Variants in PPFIBP2 observed in about 807,000 individuals in gnomAD.
PPFIBP2 encodes PPFIB scaffold protein 2.
In PPFIBP2, 118 loss-of-function variants were observed where a neutral mutation model predicts 118.3. The observed-to-expected ratio is 1.00, with a 90% confidence interval of 0.86 to 1.16. PPFIBP2 has a LOEUF of 1.16. Ranked by LOEUF, PPFIBP2 falls within the 50% of genes most tolerant of loss-of-function variation. The probability of loss-of-function intolerance (pLI) is 0.00; values close to 1 mark genes in which losing one functional copy is unlikely to be tolerated. For missense variants in PPFIBP2, 1,195 were observed against 1,073.1 expected (o/e 1.11, Z -1.59); for synonymous variants, 414 against 397.4 (o/e 1.04, Z -0.50).
chr11:7,550,925 C>A (rs995026095), intron 2 of PPFIBP2, among the ~76,000 whole-genome samples: 1 of 152,180 alleles, frequency 6.6e-6, no homozygotes, highest in African/African-American at 2.4e-5. Context: ...TCAAGTTCTT[C>A]AGCTTTAGGA....
Position 7,648,877 on chromosome 11 carries a change from G to T in PPFIBP2, c.1875G>T (p.Glu625Asp), listed in dbSNP as rs1385241687. The T allele has an allele frequency of 3.1e-6, 5 of 1,614,124 alleles. No homozygotes were observed. In the East Asian group the frequency reaches 1.1e-4, roughly 36 times the overall value. The change falls in exon 19 of 24, where the codon GAG becomes GAT. Residue 625 changes from glutamate (E) to aspartate (D), a missense_variant. By Grantham distance (45) the Glu-to-Asp change is conservative. Transcript: ENST00000299492. Reference protein sequence around the residue: ...AVKAINTKQEEKSALLDHIWV... With the variant: ...AVKAINTKQEDKSALLDHIWV... ...AAGCCATCAACACCAAACAGGAGGA[G>T]AAGTCTGCACTGCTAGACCACATTT... is the stretch of plus-strand genomic sequence containing the variant.
At chr11:7,554,818 T>C (rs191809104) in intron 2 of PPFIBP2, among the ~76,000 whole-genome samples, 4,163 of 116,608 alleles carry the variant, frequency 0.036, 86 homozygotes, top group African/African-American at 0.08. Flanking sequence ...CTAGACTAGA[T>C]TGGGTCTATA....
intron 3 of PPFIBP2, among the ~76,000 whole-genome samples, chr11:7,580,520 T>C (rs573698609): frequency 6.6e-6 from 1 of 152,190 alleles, no homozygotes; most frequent in South Asian, 2.1e-4. Flanking sequence ...GAGATACTTA[T>C]GTTCAGAGAG....
chr11:7,649,057 C>T (rs1287051880), intron 19 of PPFIBP2, 90 bp from the exon 20 acceptor site: 79 of 1,415,938 alleles, frequency 5.6e-5, no homozygotes, highest in Non-Finnish European at 7.2e-5. Context: ...ATAAAACGAA[C>T]CTCAAAATAT....
rs1397345877 is a variant in PPFIBP2, at chr11:7,525,797, G to A, written c.-37+11676G>A. On this transcript the variant is annotated intron_variant, in intron 1 of 23. Coordinates refer to ENST00000299492, the MANE Select transcript of PPFIBP2 (RefSeq NM_003621.5). ...ATTGAAGTCCTGGGTTTAGACCTTGGTAGAGGATCTTTTCCCTGCATTGGC... is the reference window on the plus strand; with the variant it reads ...ATTGAAGTCCTGGGTTTAGACCTTGATAGAGGATCTTTTCCCTGCATTGGC... Among the ~76,000 whole-genome samples the A allele has an allele frequency of 4.6e-5, 7 of 152,348 alleles. No homozygotes were observed. The East Asian group carries it at 1.4e-3, about 29-fold the overall frequency.
intron 3 of PPFIBP2, chr11:7,576,987 T>C (rs1287992649): frequency 1.4e-5 from 2 of 146,072 alleles, no homozygotes; most frequent in African/African-American, 4.9e-5. Flanking sequence ...GCAGCACTTA[T>C]TTTTAGTCTT....
rs186619560 is a variant in PPFIBP2, at chr11:7,625,761, T to C, written c.712-16T>C. The stretch of plus-strand genomic sequence containing the variant: ...AGTCCTTCTGACCTGGTAGGGATCC[T>C]CTGTTGCTCTTCCAGGCTGAAGTCG... On this transcript the variant is annotated splice_polypyrimidine_tract_variant and intron_variant, in intron 7 of 23. Coordinates refer to ENST00000299492, the MANE Select transcript of PPFIBP2 (RefSeq NM_003621.5). 2.5e-6 allele frequency: 4 copies of C among 1,610,616 alleles called. No individual in the cohort carries two copies. In the Admixed American group the frequency reaches 5.0e-5, roughly 20 times the overall value.
intron 1 of PPFIBP2, among the ~76,000 whole-genome samples, chr11:7,517,471 G>A (rs1452698404): frequency 6.6e-6 from 1 of 152,094 alleles, no homozygotes; most frequent in African/African-American, 2.4e-5. Flanking sequence ...AGCCTCGGAG[G>A]GGTCTGGGTT....
At position 7,650,042 on chromosome 11, in the gene PPFIBP2, G is replaced by GA. The variant is rs557528387; in HGVS notation, c.2121+388_2121+389insA. 2.3e-4 allele frequency among the ~76,000 whole-genome samples: 35 copies of GA among 152,322 alleles called. No individual in the cohort carries two copies. The South Asian group carries it at 7.0e-3, about 31-fold the overall frequency. ...CGTAGAAGCTAGACATTTCAGAATA[G>GA]GTATCCCTACTTGTAGATCCAAAAT... On this transcript the variant is annotated intron_variant, in intron 21 of 23. Coordinates refer to ENST00000299492, the MANE Select transcript of PPFIBP2 (RefSeq NM_003621.5).
At chr11:7,634,146 A>C (rs1462493386) in intron 12 of PPFIBP2, among the ~76,000 whole-genome samples, 1 of 152,164 alleles carries the variant, frequency 6.6e-6, no homozygotes, top group African/African-American at 2.4e-5. Flanking sequence ...CAGCATCAGC[A>C]CCTTTCCCCT....
intron 2 of PPFIBP2, among the ~76,000 whole-genome samples, chr11:7,555,119 G>A (rs7481625): frequency 0.25 from 38,301 of 152,022 alleles, 5,186 homozygotes; most frequent in African/African-American, 0.36. Flanking sequence ...AATTTTGCAT[G>A]GAGCTTAATT....
intron 3 of PPFIBP2, among the ~76,000 whole-genome samples, chr11:7,569,649 A>C (rs752411552): frequency 3.3e-5 from 5 of 152,166 alleles, no homozygotes; most frequent in Non-Finnish European, 5.9e-5. Context: ...CTGCAGAGGA[A>C]GCATCAGGGA....
At position 7,603,897 on chromosome 11, in the gene PPFIBP2, TCAAA is replaced by T. The variant is rs935836354; in HGVS notation, c.486+6228_486+6231del. Among the ~76,000 whole-genome samples, 10 of 152,228 alleles carry T rather than the reference TCAAA, an allele frequency of 6.6e-5. No individual in the cohort carries two copies. The East Asian group carries it at 1.9e-3, about 29-fold the overall frequency. ...CCCTCCTTATTTGCACAGGGAACCT[TCAAA>T]CAATTGGGAGCAGAAGCAGAATGAT... is the stretch of plus-strand genomic sequence containing the variant. On this transcript the variant is annotated intron_variant, in intron 5 of 23. Transcript: ENST00000299492.
At chr11:7,652,530 G>C (rs1012986200) in intron 23 of PPFIBP2, among the ~76,000 whole-genome samples, 1 of 152,222 alleles carries the variant, frequency 6.6e-6, no homozygotes, top group Non-Finnish European at 1.5e-5. Context: ...CCCCAGGGGA[G>C]CAAGACAGGA....
intron 4 of PPFIBP2, among the ~76,000 whole-genome samples, chr11:7,596,425 A>C (rs376332641): frequency 6.6e-6 from 1 of 151,824 alleles, no homozygotes; most frequent in South Asian, 2.1e-4. Flanking sequence ...TTTTGGTTAA[A>C]AGTGGAATGT....
At chr11:7,648,716 A>G (rs1424796653) in intron 18 of PPFIBP2, 84 bp from the exon 19 acceptor site, 1 of 1,449,544 alleles carries the variant, frequency 6.9e-7, no homozygotes, top group Non-Finnish European at 9.7e-7. Flanking sequence ...CCATACTCAG[A>G]GCATCTCCAC....
At chr11:7,620,870 A>C (rs1304875382) in intron 6 of PPFIBP2, 65 bp from the exon 7 acceptor site, 23 of 1,180,266 alleles carry the variant, frequency 1.9e-5, no homozygotes, top group Non-Finnish European at 3.8e-6. Context: ...GAGCTTAACC[A>C]GGTTGGTAAA....
chr11:7,598,738 AT>A (rs538418565), intron 5 of PPFIBP2, among the ~76,000 whole-genome samples: 8 of 149,740 alleles, frequency 5.3e-5, no homozygotes, highest in African/African-American at 7.3e-5. Context: ...AAGCGCTAGC[AT>A]TTTTTTTTTA....
intron 5 of PPFIBP2, among the ~76,000 whole-genome samples, chr11:7,607,484 A>C (rs1049441510): frequency 7.2e-5 from 11 of 152,070 alleles, no homozygotes. Flanking sequence ...AGCCTCCCAA[A>C]GTGCTAGGCA....
Sources: allele counts gnomAD v4.1 joint callset (sites outside exome capture counted in the v4.1 genomes callset), GRCh38; gene constraint gnomAD v4.1.1; transcripts MANE v1.5; gene names NCBI Gene and HGNC (gene_info 2026-07-23, HGNC 2026-07-21).